Variants in CAMK1D observed in about 807,000 individuals in gnomAD.
The protein encoded by CAMK1D is calcium/calmodulin-dependent protein kinase type 1D.
CAMK1D carries 9 observed loss-of-function variants against 47.7 expected under a neutral mutation model. The ratio of observed to expected loss-of-function variants is 0.19; its 90% CI spans 0.11 to 0.33. The LOEUF is 0.33. CAMK1D is among the 10% of genes least tolerant of loss of function. The pLI, the probability that CAMK1D is intolerant of heterozygous loss-of-function variation, is 1.00. For missense variants in CAMK1D, 291 were observed against 488.7 expected (o/e 0.60, Z 3.81); for synonymous variants, 184 against 184.9 (o/e 0.99, Z 0.04).
intron 1 of CAMK1D, among the ~76,000 whole-genome samples, chr10:12,443,589 A>G (rs1832845908): frequency 2.0e-5 from 3 of 152,192 alleles, no homozygotes; most frequent in African/African-American, 7.2e-5. Context: ...TGGCTATTCC[A>G]TAGAGCAGCC....
chr10:12,664,893 G>T (rs764580247), intron 2 of CAMK1D, among the ~76,000 whole-genome samples: 8 of 152,266 alleles, frequency 5.3e-5, no homozygotes, highest in East Asian at 1.9e-4. Context: ...TGGACTAAAA[G>T]AAAATGTTTA....
chr10:12,588,086 T>TAAAG (rs1837875168), intron 2 of CAMK1D, among the ~76,000 whole-genome samples: 1 of 152,188 alleles, frequency 6.6e-6, no homozygotes, highest in Non-Finnish European at 1.5e-5. Flanking sequence ...TAAGTGAATA[T>TAAAG]TTCCAAGGGA....
At chr10:12,432,629 T>C (rs1452569708) in intron 1 of CAMK1D, among the ~76,000 whole-genome samples, 1 of 152,240 alleles carries the variant, frequency 6.6e-6, no homozygotes, top group Non-Finnish European at 1.5e-5. Context: ...GATGAGTTAA[T>C]GTGTGAATGA....
At chr10:12,786,547 A>G (rs1485111565) in intron 5 of CAMK1D, among the ~76,000 whole-genome samples, 1 of 152,032 alleles carries the variant, frequency 6.6e-6, no homozygotes, top group Non-Finnish European at 1.5e-5. Context: ...GTATTTTTTT[A>G]TTTGTTTGTT....
At position 12,745,808 on chromosome 10, in the gene CAMK1D, T is replaced by C. The variant is rs541105720; in HGVS notation, c.300-15140T>C. The stretch of plus-strand genomic sequence containing the variant: ...TAGTAGAGATGGGATTTCACCATGT[T>C]GGCCAGGCTGGTCTCGAACCGCTGA... On this transcript the variant is annotated intron_variant, in intron 3 of 10. Transcript: ENST00000619168. Among the ~76,000 whole-genome samples, 511 of 152,230 alleles carry C rather than the reference T, an allele frequency of 3.4e-3. 1 individual carries two copies. The highest frequency in any genetic ancestry group is 0.012 in the African/African-American group (487 of 41,546).
intron 1 of CAMK1D, among the ~76,000 whole-genome samples, chr10:12,524,058 A>AT (rs1835535716): frequency 6.6e-6 from 1 of 151,754 alleles, no homozygotes; most frequent in African/African-American, 2.4e-5. Flanking sequence ...CGCCTGGCTA[A>AT]TTTTTTGTAT....
In CAMK1D at chr10:12,410,928, C is replaced by T. The variant is rs139136411; in HGVS notation, c.92+61018C>T. On this transcript the variant is annotated intron_variant, in intron 1 of 10. Transcript: ENST00000619168. ...TTGACTTTGTACTAATTGCCAAAGGCGGCAGAGGATGAGGACTTGTTGGGG... is the reference window on the plus strand; with the variant it reads ...TTGACTTTGTACTAATTGCCAAAGGTGGCAGAGGATGAGGACTTGTTGGGG... Among the ~76,000 whole-genome samples, 275 of 152,254 alleles carry T rather than the reference C, an allele frequency of 1.8e-3. 2 individuals carry two copies. Among genetic ancestry groups the T allele is most frequent in the African/African-American group, 6.1e-3 (254 of 41,544 alleles).
intron 2 of CAMK1D, among the ~76,000 whole-genome samples, chr10:12,582,296 A>G (rs1179461073): frequency 6.6e-6 from 1 of 152,158 alleles, no homozygotes; most frequent in Non-Finnish European, 1.5e-5. Flanking sequence ...ATGGCCTTAT[A>G]GTATAGTTTG....
chr10:12,736,746 G>A (rs1399847053), intron 3 of CAMK1D, among the ~76,000 whole-genome samples: 1 of 152,076 alleles, frequency 6.6e-6, no homozygotes, highest in Admixed American at 6.5e-5. Context: ...CTCCCTGGCC[G>A]CTCTCGCCAG....
intron 1 of CAMK1D, among the ~76,000 whole-genome samples, chr10:12,423,063 A>G (rs531044808): frequency 6.6e-6 from 1 of 152,296 alleles, no homozygotes; most frequent in African/African-American, 2.4e-5. Context: ...TTGGGCTTGT[A>G]TCTAGAAAGC....
At chr10:12,444,414 A>C (rs1832872156) in intron 1 of CAMK1D, among the ~76,000 whole-genome samples, 1 of 152,048 alleles carries the variant, frequency 6.6e-6, no homozygotes, top group Non-Finnish European at 1.5e-5. Context: ...AAAGAGTCAA[A>C]CTCTGTAAAA....
chr10:12,493,351 C>T (rs879377578), intron 1 of CAMK1D, among the ~76,000 whole-genome samples: 2 of 152,260 alleles, frequency 1.3e-5, no homozygotes, highest in East Asian at 1.9e-4. Context: ...CACCTTTCAG[C>T]GTGCTGGGGC....
intron 2 of CAMK1D, among the ~76,000 whole-genome samples, chr10:12,625,623 G>A (rs550266836): frequency 5.6e-4 from 67 of 119,868 alleles, no homozygotes; most frequent in African/African-American, 1.8e-3. Flanking sequence ...GAGCCCCCAC[G>A]CCCCGCCCCT....
intron 3 of CAMK1D, among the ~76,000 whole-genome samples, chr10:12,739,780 A>G (rs1564528046): frequency 6.6e-6 from 1 of 152,070 alleles, no homozygotes; most frequent in Non-Finnish European, 1.5e-5. Flanking sequence ...AAGACCCCTA[A>G]TTGTATGGTG....
chr10:12,434,775 G>T (rs1392985538), intron 1 of CAMK1D, among the ~76,000 whole-genome samples: 1 of 152,168 alleles, frequency 6.6e-6, no homozygotes, highest in Non-Finnish European at 1.5e-5. Flanking sequence ...GTGGTAGCCC[G>T]GTCACCTTGA....
Position 12,733,475 on chromosome 10 carries a change from G to A in CAMK1D, c.300-27473G>A, listed in dbSNP as rs531313153. ...AGCAGGAAATTTTCAACACTTCCTG[G>A]CATAGAGTGGCTTCTTTAATTAATT... is the stretch of plus-strand genomic sequence containing the variant. On this transcript the variant is annotated intron_variant, in intron 3 of 10. Coordinates refer to ENST00000619168, the MANE Select transcript of CAMK1D (RefSeq NM_153498.4). 5.9e-5 allele frequency among the ~76,000 whole-genome samples: 9 copies of A among 152,294 alleles called. No individual in the cohort carries two copies. The East Asian group carries it at 1.7e-3, about 29-fold the overall frequency.
At chr10:12,541,040 A>G (rs950062262) in intron 1 of CAMK1D, among the ~76,000 whole-genome samples, 8 of 151,998 alleles carry the variant, frequency 5.3e-5, no homozygotes, top group Admixed American at 4.6e-4. Context: ...GACACATTTT[A>G]ATGAATAGAC....
At chr10:12,698,155 A>T (rs1381424944) in intron 3 of CAMK1D, among the ~76,000 whole-genome samples, 13 of 152,222 alleles carry the variant, frequency 8.5e-5, no homozygotes, top group Admixed American at 8.5e-4. Flanking sequence ...GCAGAAACAT[A>T]ATACTTGCCC....
chr10:12,379,902 TG>T (rs1051127580), intron 1 of CAMK1D, among the ~76,000 whole-genome samples: 1 of 152,016 alleles, frequency 6.6e-6, no homozygotes, highest in African/African-American at 2.4e-5. Context: ...ATAAATCTTT[TG>T]GGAGGACTTT....
Sources: gnomAD v4.1 joint callset for allele counts (sites outside exome capture counted in the v4.1 genomes callset) on GRCh38, gnomAD v4.1.1 for gene constraint, MANE v1.5 for transcripts, NCBI Gene and HGNC (gene_info 2026-07-23, HGNC 2026-07-21) for gene names.